SLC4A5: variants seen among roughly 807,000 people sequenced by gnomAD.
SLC4A5 encodes the protein solute carrier family 4 member 5.
In SLC4A5, 96 loss-of-function variants were observed where a neutral mutation model predicts 120.4. That is an observed-to-expected ratio of 0.80 (90% confidence interval 0.68 to 0.94). The LOEUF (loss-of-function observed/expected upper bound fraction) is 0.94. Ranked by LOEUF, SLC4A5 falls within the 40% of genes least tolerant of loss-of-function variation. The pLI is 0.00. For missense variants in SLC4A5, 1,259 were observed against 1,459.5 expected (o/e 0.86, Z 2.24); for synonymous variants, 550 against 571.1 (o/e 0.96, Z 0.53).
intron 7 of SLC4A5, chr2:74,290,488 C>T (rs1346779369): frequency 1.4e-5 from 14 of 984,734 alleles, no homozygotes; most frequent in Admixed American, 6.2e-5. Flanking sequence ...GAGAGAGAGG[C>T]TATATGTAGA....
chr2:74,252,407 GA>G lies in SLC4A5; in HGVS notation c.1269-20del, dbSNP rs1429269722. 1.6e-5 allele frequency: 25 copies of G among 1,603,964 alleles called. No homozygotes were observed. The highest frequency in any genetic ancestry group is 2.0e-5 in the Non-Finnish European group (24 of 1,172,342). ...AGATTTCCTGGAAGAGAAGGGGGAT[GA>G]AGGAGAGTGGGTCCCCCAGAGCACC... On this transcript the variant is annotated intron_variant, in intron 15 of 30. Transcript: ENST00000394019.
chr2:74,321,198 C>T, intron 5 of SLC4A5, among the ~76,000 whole-genome samples: 1 of 152,130 alleles, frequency 6.6e-6, no homozygotes, highest in African/African-American at 2.4e-5. Flanking sequence ...AGTTACTTCC[C>T]TGATGCCCAT....
chr2:74,227,528 T>G (rs779987946), intron 26 of SLC4A5: 3 of 1,612,354 alleles, frequency 1.9e-6, no homozygotes, highest in Middle Eastern at 1.6e-4. Context: ...GGAGTCAGCT[T>G]CTTCTGGATT....
chr2:74,224,059 T>C lies in SLC4A5; in HGVS notation c.3246+781A>G, dbSNP rs1694755832. On this transcript the variant is annotated intron_variant, in intron 28 of 30. Coordinates refer to ENST00000394019, the Ensembl canonical transcript of SLC4A5. ...ACCAGCAAAGTCAGGAATTATTTTC[T>C]TAATTCCTTCTTAGAAATGTAGCTA... Among the ~76,000 whole-genome samples, 4 of 152,244 alleles carry C rather than the reference T, an allele frequency of 2.6e-5. 1 individual carries two copies. The South Asian group carries it at 8.3e-4, about 31-fold the overall frequency.
At chr2:74,273,640 A>C (rs1184966140) in intron 8 of SLC4A5, among the ~76,000 whole-genome samples, 1 of 152,254 alleles carries the variant, frequency 6.6e-6, no homozygotes, top group Non-Finnish European at 1.5e-5. Flanking sequence ...TCATTTCTTA[A>C]AAGTAAGAAA....
intron 11 of SLC4A5, 142 bp from the exon 12 acceptor site, chr2:74,259,785 T>C: frequency 1.4e-6 from 1 of 734,142 alleles, no homozygotes; most frequent in Non-Finnish European, 2.4e-6. Flanking sequence ...CCCCTTAAAC[T>C]AGCATCCTCT....
At chr2:74,234,868 C>A (rs953146240) in intron 22 of SLC4A5, among the ~76,000 whole-genome samples, 1 of 152,172 alleles carries the variant, frequency 6.6e-6, no homozygotes, top group Admixed American at 6.5e-5. Context: ...AATTCCAGTG[C>A]CTTCCTCACC....
intron 4 of SLC4A5, among the ~76,000 whole-genome samples, chr2:74,333,359 G>A (rs1477071469): frequency 6.6e-6 from 1 of 152,138 alleles, no homozygotes; most frequent in Non-Finnish European, 1.5e-5. Context: ...CACCTCACTC[G>A]CCAGGGATCT....
In SLC4A5 at chr2:74,226,892, G is replaced by A. The variant is rs144858714; in HGVS notation, c.3090+65C>T. The A allele has an allele frequency of 3.6e-3, 5,576 of 1,554,514 alleles. 22 individuals are homozygous for A. The highest frequency in any genetic ancestry group is 4.3e-3 in the Non-Finnish European group (4,892 of 1,141,230). ...AGAAGGTGGCAGGAGGGGAGGTTGCGCTGCACCTCTGGGTTGCCCAGGCCA... is the reference window on the plus strand; with the variant it reads ...AGAAGGTGGCAGGAGGGGAGGTTGCACTGCACCTCTGGGTTGCCCAGGCCA... On this transcript the variant is annotated intron_variant, in intron 27 of 30. Coordinates refer to ENST00000394019, the Ensembl canonical transcript of SLC4A5.
At chr2:74,269,679 C>G (rs1014561729) in intron 8 of SLC4A5, among the ~76,000 whole-genome samples, 9 of 152,048 alleles carry the variant, frequency 5.9e-5, no homozygotes, top group African/African-American at 2.2e-4. Context: ...GACTCTTTTG[C>G]TACTCCATGG....
At chr2:74,328,949 A>G (rs998988675) in intron 4 of SLC4A5, among the ~76,000 whole-genome samples, 12 of 152,156 alleles carry the variant, frequency 7.9e-5, no homozygotes, top group African/African-American at 2.4e-4. Context: ...CGGAGAGATC[A>G]GGTGACACCA....
At chr2:74,242,145 G>C (rs906587483) in intron 19 of SLC4A5, 93 bp from the exon 20 acceptor site, 1 of 1,201,694 alleles carries the variant, frequency 8.3e-7, no homozygotes, top group Non-Finnish European at 1.2e-6. Context: ...CAGTTCCTTA[G>C]AGCCAAGGCC....
At chr2:74,321,706 T>A (rs1048326485) in intron 5 of SLC4A5, among the ~76,000 whole-genome samples, 1 of 151,534 alleles carries the variant, frequency 6.6e-6, no homozygotes. Context: ...TCCTACACTG[T>A]CCAACAACCA....
chr2:74,305,354 T>A (rs963111188), intron 6 of SLC4A5, among the ~76,000 whole-genome samples: 1 of 152,192 alleles, frequency 6.6e-6, no homozygotes, highest in Admixed American at 6.5e-5. Flanking sequence ...ATTTTTAAAA[T>A]AATTAATAGA....
At chr2:74,340,298 G>C (rs190442292) in intron 2 of SLC4A5, among the ~76,000 whole-genome samples, 2 of 152,178 alleles carry the variant, frequency 1.3e-5, no homozygotes, top group Non-Finnish European at 2.9e-5. Context: ...AAAGAGCTGT[G>C]TTGTATGAGC....
intron 22 of SLC4A5, among the ~76,000 whole-genome samples, 180 bp from the exon 23 acceptor site, chr2:74,233,743 G>C (rs2103919503): frequency 6.6e-6 from 1 of 152,326 alleles, no homozygotes; most frequent in South Asian, 2.1e-4. Flanking sequence ...ACATGGGAAG[G>C]AGCATGCATG....
intron 30 of SLC4A5, among the ~76,000 whole-genome samples, chr2:74,220,000 T>A (rs146091454): frequency 3.9e-4 from 59 of 152,256 alleles, no homozygotes; most frequent in African/African-American, 1.4e-3. Flanking sequence ...CTGCCCCGTT[T>A]CCCCAAAAAT....
At chr2:74,252,415 G>A in intron 15 of SLC4A5, 27 bp from the exon 16 acceptor site, 1 of 1,601,730 alleles carries the variant, frequency 6.2e-7, no homozygotes, top group Non-Finnish European at 8.5e-7. Flanking sequence ...ATGAAGGAGA[G>A]TGGGTCCCCC....
intron 6 of SLC4A5, among the ~76,000 whole-genome samples, chr2:74,309,629 T>C (rs749184335): frequency 2.0e-5 from 3 of 152,136 alleles, no homozygotes; most frequent in Admixed American, 6.5e-5. Context: ...GACAACAATG[T>C]TGAATTTTCC....
Sources: allele counts gnomAD v4.1 joint callset (sites outside exome capture counted in the v4.1 genomes callset), GRCh38; gene constraint gnomAD v4.1.1; transcripts MANE v1.5; gene names NCBI Gene and HGNC (gene_info 2026-07-23, HGNC 2026-07-21).